Variants in FAM161A observed in about 807,000 individuals in gnomAD.
FAM161A encodes the protein protein FAM161A.
FAM161A carries 57 observed loss-of-function variants against 70.9 expected under a neutral mutation model. The observed-to-expected ratio is 0.80, with a 90% CI of 0.65 to 1.00. The LOEUF is 1.00. Among genes scored for constraint, FAM161A ranks in the 50% least tolerant of loss-of-function variants. The pLI is 0.00. For missense variants in FAM161A, 880 were observed against 836.0 expected (o/e 1.05, Z -0.65); for synonymous variants, 299 against 295.7 (o/e 1.01, Z -0.12).
chr2:61,802,512 A>G, the FAM161A span, among the ~76,000 whole-genome samples: 1 of 152,200 alleles, frequency 6.6e-6, no homozygotes, highest in African/African-American at 2.4e-5. Flanking sequence ...TAATCACCGT[A>G]AAGTGCTTTT....
the FAM161A span, chr2:61,803,469 G>C: frequency 9.8e-6 from 6 of 613,786 alleles, no homozygotes; most frequent in Non-Finnish European, 1.8e-5. Context: ...AAAAGCCGAA[G>C]GAGTAAAGAT....
chr2:61,814,698 G>A, the FAM161A span, among the ~76,000 whole-genome samples: 1 of 152,154 alleles, frequency 6.6e-6, no homozygotes, highest in Non-Finnish European at 1.5e-5. Context: ...CTGGGCAGCA[G>A]GGCAAGACAG....
intron 1 of FAM161A, among the ~76,000 whole-genome samples, chr2:61,852,534 C>CTTAGG (rs1673532633): frequency 6.6e-6 from 1 of 152,082 alleles, no homozygotes; most frequent in Admixed American, 6.6e-5. Flanking sequence ...GTCCTAACAC[C>CTTAGG]ACCTAGGAAG....
Position 61,832,832 on chromosome 2 carries a change from C to T in FAM161A, c.1851+3178G>A, listed in dbSNP as rs189607046. ...TTCCCGATCCATCCACCCCACCCCA[C>T]GCAACCCTGGTCTGTGGAAAAATGG... On this transcript the variant is annotated intron_variant, in intron 5 of 6. Transcript: ENST00000404929. Among the ~76,000 whole-genome samples the T allele has an allele frequency of 2.2e-3, 341 of 152,280 alleles. 2 individuals carry two copies. The highest frequency in any genetic ancestry group is 0.019 in the Admixed American group (293 of 15,284).
At position 61,836,146 on chromosome 2, in the gene FAM161A, C is replaced by A. The variant is rs1234205745; in HGVS notation, c.1752-37G>T. The A allele has an allele frequency of 2.8e-6, 4 of 1,425,032 alleles. No homozygotes were observed. The South Asian group carries it at 4.7e-5, about 17-fold the overall frequency. The allele number at this position is 1,425,032 out of a possible 1,614,324, so 88.3% of individuals were successfully genotyped here. On this transcript the variant is annotated intron_variant, in intron 4 of 6. Transcript: ENST00000404929. ...GAAAAGCAATGGAATTTTAAAAGATCATCTAAGAAATAAGAACTTACATAT... is the reference window on the plus strand; with the variant it reads ...GAAAAGCAATGGAATTTTAAAAGATAATCTAAGAAATAAGAACTTACATAT...
chr2:61,820,452 AC>A, downstream of FAM161A: 3 of 756,186 alleles, frequency 4.0e-6, no homozygotes, highest in African/African-American at 1.7e-5. Flanking sequence ...GAGCTGTGGA[AC>A]CAAAGAGGGC....
chr2:61,846,070 T>A (rs375476787), intron 1 of FAM161A, among the ~76,000 whole-genome samples: 4 of 113,930 alleles, frequency 3.5e-5, no homozygotes, highest in African/African-American at 1.5e-4. Flanking sequence ...GCTTCGGCGA[T>A]CAAGCAAGAC....
At chr2:61,839,059 T>C (rs1419099527) in intron 3 of FAM161A, among the ~76,000 whole-genome samples, 2 of 151,640 alleles carry the variant, frequency 1.3e-5, no homozygotes, top group African/African-American at 2.4e-5. Context: ...ATTTTTTGTA[T>C]TTTTAGTAGA....
chr2:61,829,817 G>T (rs1055203617), intron 5 of FAM161A, among the ~76,000 whole-genome samples: 1 of 152,116 alleles, frequency 6.6e-6, no homozygotes, highest in Non-Finnish European at 1.5e-5. Flanking sequence ...ATTCTGTAAA[G>T]AATCACAGGC....
chr2:61,803,447 T>G, the FAM161A span: 10 of 646,414 alleles, frequency 1.5e-5, no homozygotes, highest in Middle Eastern at 4.2e-4. Context: ...AAGGCCAGTG[T>G]TGGTGCTGGC....
At position 61,830,439 on chromosome 2, in the gene FAM161A, G is replaced by T. The variant is rs1672524464; in HGVS notation, c.1852-3181C>A. 2.0e-5 allele frequency among the ~76,000 whole-genome samples: 3 copies of T among 152,056 alleles called. No individual in the cohort carries two copies. The South Asian group carries it at 6.2e-4, about 32-fold the overall frequency. ...CTCACTCCTGTAATCCCAGTACTTT[G>T]GGAGGCCGAGGCAGGTGGATCACTT... On this transcript the variant is annotated intron_variant, in intron 5 of 6. Coordinates refer to ENST00000404929, the MANE Select transcript of FAM161A (RefSeq NM_001201543.2).
chr2:61,823,223 C>T (rs1221049481), downstream of FAM161A, among the ~76,000 whole-genome samples: 1 of 150,864 alleles, frequency 6.6e-6, no homozygotes, highest in Non-Finnish European at 1.5e-5. Flanking sequence ...ATCCCAGCTA[C>T]TCGGGAGGTG....
At chr2:61,811,974 T>C in the FAM161A span, among the ~76,000 whole-genome samples, 1 of 152,302 alleles carries the variant, frequency 6.6e-6, no homozygotes, top group East Asian at 1.9e-4. Context: ...CTCACTGCTC[T>C]GGCCTCACTG....
At chr2:61,829,868 A>G (rs1384795934) in intron 5 of FAM161A, among the ~76,000 whole-genome samples, 1 of 152,178 alleles carries the variant, frequency 6.6e-6, no homozygotes, top group African/African-American at 2.4e-5. Context: ...CGAGACCACA[A>G]TTAACTCCTA....
At chr2:61,817,401 A>G in the FAM161A span, among the ~76,000 whole-genome samples, 11 of 152,262 alleles carry the variant, frequency 7.2e-5, no homozygotes, top group Non-Finnish European at 1.3e-4. Flanking sequence ...CAGCCATATT[A>G]GGAGGAAAAA....
intron 5 of FAM161A, among the ~76,000 whole-genome samples, chr2:61,828,266 G>C (rs1350780773): frequency 7.5e-6 from 1 of 133,948 alleles, no homozygotes; most frequent in Non-Finnish European, 1.6e-5. Flanking sequence ...ATACTTTTAT[G>C]ACTGTATAAA....
At chr2:61,837,915 G>T (rs1249836960) in intron 4 of FAM161A, among the ~76,000 whole-genome samples, 1 of 152,088 alleles carries the variant, frequency 6.6e-6, no homozygotes, top group African/African-American at 2.4e-5. Flanking sequence ...TTAGAAATCA[G>T]ATTAAAAAGT....
rs745803073 is a variant in FAM161A at position 61,836,161 on chromosome 2, A to T, written c.1752-52T>A. Reference sequence around the variant, plus strand: ...TTTAAAAGATCATCTAAGAAATAAGAACTTACATATGTAACATTTAACTTA... The same window carrying T: ...TTTAAAAGATCATCTAAGAAATAAGTACTTACATATGTAACATTTAACTTA... On this transcript the variant is annotated intron_variant, in intron 4 of 6. Coordinates refer to ENST00000404929, the MANE Select transcript of FAM161A (RefSeq NM_001201543.2). 34 of 1,235,642 alleles carry T rather than the reference A, an allele frequency of 2.8e-5. 1 individual carries two copies. The Middle Eastern group carries it at 6.5e-4, about 24-fold the overall frequency. The allele number at this position is 1,235,642 out of a possible 1,614,324, so 76.5% of individuals were successfully genotyped here. A position where few individuals can be genotyped will look rare whatever the true frequency, so the allele number is the denominator to read the frequency against.
At chr2:61,843,373 C>T (rs114897933) in intron 1 of FAM161A, among the ~76,000 whole-genome samples, 23,808 of 152,080 alleles carry the variant, frequency 0.16, 2,031 homozygotes, top group African/African-American at 0.2. Flanking sequence ...GTGATCTACT[C>T]GCCTCGGCCT....
Sources: allele counts gnomAD v4.1 joint callset (sites outside exome capture counted in the v4.1 genomes callset), GRCh38; gene constraint gnomAD v4.1.1; transcripts MANE v1.5; gene names NCBI Gene and HGNC (gene_info 2026-07-23, HGNC 2026-07-21).